Variants in PLA2G4E observed in about 807,000 individuals in gnomAD.
The protein encoded by PLA2G4E is cytosolic phospholipase A2 epsilon.
Under a neutral mutation model 109.1 loss-of-function variants are expected in PLA2G4E, and 84 were observed. The ratio of observed to expected loss-of-function variants is 0.77; its 90% confidence interval spans 0.65 to 0.92. The LOEUF is 0.92. Ranked by LOEUF, PLA2G4E falls within the 40% of genes least tolerant of loss-of-function variation. PLA2G4E has a pLI of 0.00. For synonymous variants in PLA2G4E, 469 were observed against 436.1 expected (o/e 1.08, Z -0.94); for missense variants, 1,057 against 1,076.6 (o/e 0.98, Z 0.25).
At chr15:42,046,358 A>C (rs1457121022) in intron 1 of PLA2G4E, among the ~76,000 whole-genome samples, 2 of 152,066 alleles carry the variant, frequency 1.3e-5, no homozygotes, top group African/African-American at 2.4e-5. Flanking sequence ...TTCACCTCCC[A>C]ATGCTTTCTT....
chr15:41,992,929 G>A (rs1392790955), exon 13 of PLA2G4E: 1 of 1,613,526 alleles, frequency 6.2e-7, no homozygotes, highest in Non-Finnish European at 8.5e-7. Context: ...TGGAGGACCA[G>A]TCAGGGTCAC....
rs74010956 is a variant in PLA2G4E, at chr15:41,999,375, C to T, written c.974+149G>A. ...GCAAAGGATCTAATAGAAATGTCTC[C>T]AAAGAAGATGATATGCCAGCCAGCC... is the stretch of plus-strand genomic sequence containing the variant. On this transcript the variant is annotated intron_variant, in intron 10 of 19. Transcript: ENST00000399518. The T allele has an allele frequency of 5.6e-3, 3,437 of 616,024 alleles. 101 individuals are homozygous for T. The African/African-American group carries it at 0.057, about 10-fold the overall frequency. 38.2% of individuals were successfully genotyped at this position (616,024 alleles called of 1,614,324 possible).
chr15:42,004,405 G>A (rs1279197006), intron 5 of PLA2G4E, among the ~76,000 whole-genome samples: 1 of 87,358 alleles, frequency 1.1e-5, no homozygotes, highest in African/African-American at 3.4e-5. Context: ...AGGGAGGGAG[G>A]AAAGAAGGAA....
At chr15:42,041,838 C>G (rs1000966367) in intron 1 of PLA2G4E, among the ~76,000 whole-genome samples, 1 of 152,192 alleles carries the variant, frequency 6.6e-6, no homozygotes, top group African/African-American at 2.4e-5. Flanking sequence ...CTGAGGGACC[C>G]TCCTCATTGC....
At chr15:41,986,035 C>A in intron 17 of PLA2G4E, 30 bp from the exon 18 acceptor site, 1 of 1,564,012 alleles carries the variant, frequency 6.4e-7, no homozygotes, top group Non-Finnish European at 8.7e-7. Context: ...GTTACCAACA[C>A]ACCTGGTGCC....
intron 1 of PLA2G4E, among the ~76,000 whole-genome samples, chr15:42,031,018 A>G (rs932140824): frequency 2.0e-5 from 3 of 152,026 alleles, no homozygotes; most frequent in African/African-American, 7.3e-5. Flanking sequence ...CCCAGGCTGG[A>G]GTACAGTGGC....
exon 19 of PLA2G4E, chr15:41,984,459 G>A: frequency 6.2e-7 from 1 of 1,613,560 alleles, no homozygotes; most frequent in Middle Eastern, 1.7e-4. Flanking sequence ...TTTTCGGAAA[G>A]TGTCATTGAT....
At position 42,000,056 on chromosome 15, in the gene PLA2G4E, C is replaced by G. The variant is rs376569244; in HGVS notation, c.852+48G>C. On this transcript the variant is annotated intron_variant, in intron 8 of 19. Coordinates refer to ENST00000399518, the Ensembl canonical transcript of PLA2G4E. ...GCTGGGGAGCTCCTCTGGCACCCCC[C>G]ACCTGTCCCAGTCCCCCACACCTCC... 5.5e-5 allele frequency: 86 copies of G among 1,573,628 alleles called. No homozygotes were observed. In the Middle Eastern group the frequency reaches 1.3e-3, roughly 24 times the overall value.
At chr15:41,996,350 G>GAAAAAAA (rs34559872) in intron 11 of PLA2G4E, among the ~76,000 whole-genome samples, 2,895 of 74,982 alleles carry the variant, frequency 0.039, 206 homozygotes, top group South Asian at 0.071. Context: ...CCTGTCTCAA[G>GAAAAAAA]AAAAAAAAAA....
exon 14 of PLA2G4E, chr15:41,990,234 C>T: frequency 6.2e-7 from 1 of 1,613,330 alleles, no homozygotes; most frequent in Non-Finnish European, 8.5e-7. Flanking sequence ...GCATTCATTT[C>T]TCTGTGGGGA....
At chr15:42,016,592 C>T (rs1193192854) in intron 1 of PLA2G4E, among the ~76,000 whole-genome samples, 1 of 152,090 alleles carries the variant, frequency 6.6e-6, no homozygotes, top group South Asian at 2.1e-4. Flanking sequence ...CCTACCTCAG[C>T]CTCCCAAAGT....
At chr15:42,047,742 A>C (rs1352782329) in intron 1 of PLA2G4E, among the ~76,000 whole-genome samples, 2 of 152,132 alleles carry the variant, frequency 1.3e-5, no homozygotes, top group Non-Finnish European at 2.9e-5. Context: ...GACTCTTTTT[A>C]TCATGTTCAG....
chr15:42,013,068 G>C (rs1467000654), intron 2 of PLA2G4E, among the ~76,000 whole-genome samples: 1 of 152,220 alleles, frequency 6.6e-6, no homozygotes, highest in East Asian at 1.9e-4. Context: ...AATGCAGCAG[G>C]CTCTGGGATG....
rs199592236 is a variant in PLA2G4E at position 41,999,528 on chromosome 15, G to A, written c.970C>T (p.Pro324Ser). 2,216 of 1,604,444 alleles carry A rather than the reference G, an allele frequency of 1.4e-3. 16 individuals carry two copies. Among genetic ancestry groups the A allele is most frequent in the South Asian group, 8.2e-3 (746 of 90,676 alleles). The change falls in exon 10 of 20, where the codon CCC becomes TCC. Residue 324 changes from proline (P) to serine (S), a missense_variant. Transcript: ENST00000399518. Reference sequence around the variant, plus strand: ...GACAGAATGCGGGTACTATACCAGGGTGTAGACTTCATGTGTAATTCATAA... The same window carrying A: ...GACAGAATGCGGGTACTATACCAGGATGTAGACTTCATGTGTAATTCATAA...
intron 3 of PLA2G4E, 21 bp downstream of exon 3, chr15:42,007,708 G>A (rs1036222739): frequency 6.2e-7 from 1 of 1,607,204 alleles, no homozygotes; most frequent in East Asian, 2.2e-5. Flanking sequence ...GGGAAGACAG[G>A]TGCAGTCCTC....
exon 8 of PLA2G4E, chr15:42,000,186 T>C: frequency 1.3e-6 from 2 of 1,595,030 alleles, no homozygotes; most frequent in Non-Finnish European, 1.7e-6. Context: ...GGCAGCGGTT[T>C]GGAAGCAGGC....
intron 2 of PLA2G4E, among the ~76,000 whole-genome samples, chr15:42,013,312 A>G (rs934751774): frequency 6.6e-6 from 1 of 152,140 alleles, no homozygotes; most frequent in African/African-American, 2.4e-5. Flanking sequence ...AACCGAAAGG[A>G]GGAGCAAGGA....
intron 6 of PLA2G4E, 100 bp from the exon 7 acceptor site, chr15:42,001,320 A>C: frequency 8.6e-7 from 1 of 1,164,516 alleles, no homozygotes; most frequent in East Asian, 2.4e-5. Flanking sequence ...TACATTCAGC[A>C]TTGGTCTGAC....
At chr15:42,000,910 C>T (rs1192892813) in intron 7 of PLA2G4E, among the ~76,000 whole-genome samples, 1 of 152,194 alleles carries the variant, frequency 6.6e-6, no homozygotes, top group Non-Finnish European at 1.5e-5. Flanking sequence ...GGGAGCAGCA[C>T]TGGGACCCCA....
Sources: gnomAD v4.1 joint callset for allele counts (sites outside exome capture counted in the v4.1 genomes callset) on GRCh38, gnomAD v4.1.1 for gene constraint, MANE v1.5 for transcripts, NCBI Gene and HGNC (gene_info 2026-07-23, HGNC 2026-07-21) for gene names.